Variants in PDGFD observed in about 807,000 individuals in gnomAD.
The protein encoded by PDGFD is platelet-derived growth factor D.
A neutral mutation model predicts 44.7 loss-of-function variants in PDGFD; 30 were observed. The ratio of observed to expected loss-of-function variants is 0.67; its 90% CI spans 0.50 to 0.91. The LOEUF (loss-of-function observed/expected upper bound fraction) is 0.91. Ranked by LOEUF, PDGFD falls within the 40% of genes least tolerant of loss-of-function variation. The pLI is 0.00. For synonymous variants in PDGFD, 173 were observed against 168.4 expected, an observed-to-expected ratio of 1.03 and a Z score of -0.21; for missense variants, 445 against 457.8, an observed-to-expected ratio of 0.97 and a Z score of 0.25.
chr11:104,075,771 G>T (rs1860948282), intron 1 of PDGFD, among the ~76,000 whole-genome samples: 1 of 152,122 alleles, frequency 6.6e-6, no homozygotes, highest in Non-Finnish European at 1.5e-5. Context: ...CTCACTGCCA[G>T]GTATTGTGAT....
chr11:104,101,019 G>A (rs963875265), intron 1 of PDGFD, among the ~76,000 whole-genome samples: 3 of 152,270 alleles, frequency 2.0e-5, no homozygotes, highest in East Asian at 1.9e-4. Context: ...AAAACTGGAA[G>A]CATTCCCTTT....
At chr11:104,141,958 T>C (rs1220825516) in intron 1 of PDGFD, among the ~76,000 whole-genome samples, 6 of 152,154 alleles carry the variant, frequency 3.9e-5, no homozygotes, top group Non-Finnish European at 7.3e-5. Flanking sequence ...TAATATACCA[T>C]CTTTATAGCC....
chr11:104,055,638 G>A (rs1289389066), intron 1 of PDGFD, among the ~76,000 whole-genome samples: 2 of 152,138 alleles, frequency 1.3e-5, no homozygotes, highest in Non-Finnish European at 2.9e-5. Context: ...CTATTAAGGT[G>A]ACCAGTTTAA....
chr11:104,089,615 C>T (rs1861181636), intron 1 of PDGFD, among the ~76,000 whole-genome samples: 1 of 152,160 alleles, frequency 6.6e-6, no homozygotes, highest in African/African-American at 2.4e-5. Context: ...TGATCTTGAT[C>T]AGCCCTCATG....
At chr11:104,149,065 T>G (rs1353991819) in intron 1 of PDGFD, among the ~76,000 whole-genome samples, 1 of 152,140 alleles carries the variant, frequency 6.6e-6, no homozygotes, top group Non-Finnish European at 1.5e-5. Context: ...AATGATGGTT[T>G]AAAGTGGCAA....
intron 3 of PDGFD, among the ~76,000 whole-genome samples, chr11:103,959,440 A>G (rs1858904161): frequency 1.3e-5 from 2 of 152,194 alleles, no homozygotes; most frequent in Non-Finnish European, 2.9e-5. Context: ...GTAAAGTCTG[A>G]AACAAAAGCA....
chr11:104,082,547 T>C (rs1192349822), intron 1 of PDGFD, among the ~76,000 whole-genome samples: 3 of 152,192 alleles, frequency 2.0e-5, no homozygotes, highest in Non-Finnish European at 4.4e-5. Context: ...AGTTCACTCA[T>C]TTCAAAGATT....
At chr11:103,931,028 T>A in intron 5 of PDGFD, among the ~76,000 whole-genome samples, 1 of 152,198 alleles carries the variant, frequency 6.6e-6, no homozygotes, top group East Asian at 1.9e-4. Context: ...TTGATAGCAA[T>A]GATTTGTCCT....
intron 1 of PDGFD, among the ~76,000 whole-genome samples, chr11:104,101,110 G>A (rs1003495739): frequency 1.3e-4 from 20 of 152,072 alleles, no homozygotes; most frequent in Non-Finnish European, 2.5e-4. Flanking sequence ...AGGGCAATCC[G>A]GCAGGAGAAG....
intron 1 of PDGFD, among the ~76,000 whole-genome samples, chr11:104,096,091 T>C (rs1346970102): frequency 2.0e-5 from 3 of 152,224 alleles, no homozygotes; most frequent in African/African-American, 2.4e-5. Flanking sequence ...TCTCCTGTTA[T>C]TATTACAGTA....
intron 1 of PDGFD, among the ~76,000 whole-genome samples, chr11:104,113,355 A>C (rs1347634254): frequency 6.6e-6 from 1 of 152,134 alleles, no homozygotes; most frequent in Admixed American, 6.6e-5. Context: ...GGAGGCAAAC[A>C]AAAAACATAT....
intron 1 of PDGFD, among the ~76,000 whole-genome samples, chr11:104,128,738 G>A (rs1419950461): frequency 6.6e-6 from 1 of 152,024 alleles, no homozygotes; most frequent in Admixed American, 6.6e-5. Flanking sequence ...TTTAAAATGA[G>A]GGCAAGAATC....
chr11:104,126,924 G>C (rs944187832), intron 1 of PDGFD, among the ~76,000 whole-genome samples: 1 of 151,974 alleles, frequency 6.6e-6, no homozygotes. Flanking sequence ...AACTGCACAG[G>C]AAGCCTTGGT....
intron 3 of PDGFD, among the ~76,000 whole-genome samples, chr11:103,966,631 G>A (rs1295475790): frequency 6.6e-6 from 1 of 152,114 alleles, no homozygotes; most frequent in Non-Finnish European, 1.5e-5. Context: ...TTGCTTTTGG[G>A]AGCTGTTTTA....
At chr11:104,079,493 T>C (rs1861013459) in intron 1 of PDGFD, among the ~76,000 whole-genome samples, 1 of 152,170 alleles carries the variant, frequency 6.6e-6, no homozygotes, top group Admixed American at 6.5e-5. Context: ...GTTCAAGTGA[T>C]TCTCCTGCCT....
chr11:104,102,130 G>C (rs12290875), intron 1 of PDGFD, among the ~76,000 whole-genome samples: 8,420 of 152,234 alleles, frequency 0.055, 361 homozygotes, highest in African/African-American at 0.12. Flanking sequence ...TACCATAAGA[G>C]AGAACAGGCA....
At chr11:103,909,852 C>G (rs769571750) in intron 6 of PDGFD, 33 bp from the exon 7 acceptor site, 1 of 1,613,456 alleles carries the variant, frequency 6.2e-7, no homozygotes, top group South Asian at 1.1e-5. Flanking sequence ...TGTTAGAAAG[C>G]CTTTGGAGTT....
intron 1 of PDGFD, among the ~76,000 whole-genome samples, chr11:104,080,362 C>T (rs1005531957): frequency 2.6e-5 from 4 of 152,122 alleles, no homozygotes; most frequent in African/African-American, 9.7e-5. Context: ...CAACCAATAT[C>T]AGATTTCGAC....
intron 6 of PDGFD, among the ~76,000 whole-genome samples, chr11:103,913,671 T>C (rs866082026): frequency 2.0e-5 from 3 of 151,384 alleles, no homozygotes; most frequent in African/African-American, 4.9e-5. Context: ...CTGAAGGAGA[T>C]AGAGACACAA....
Sources: gnomAD v4.1 joint callset for allele counts (sites outside exome capture counted in the v4.1 genomes callset) on GRCh38, gnomAD v4.1.1 for gene constraint, MANE v1.5 for transcripts, NCBI Gene and HGNC (gene_info 2026-07-23, HGNC 2026-07-21) for gene names.